The following FAM3C variants were observed in gnomAD, a reference collection of about 807,000 sequenced individuals.
FAM3C encodes protein FAM3C.
FAM3C carries 15 observed loss-of-function variants against 32.5 expected under a neutral mutation model. The observed-to-expected ratio is 0.46, with a 90% CI of 0.31 to 0.71. The LOEUF is 0.71. FAM3C is among the 30% of genes least tolerant of loss of function. FAM3C has a pLI of 0.05. For missense variants in FAM3C, 175 were observed against 274.4 expected (o/e 0.64, Z 2.56); for synonymous variants, 75 against 86.1 (o/e 0.87, Z 0.72).
At chr7:121,391,107 A>G (rs1285319407) in intron 1 of FAM3C, among the ~76,000 whole-genome samples, 6 of 152,208 alleles carry the variant, frequency 3.9e-5, no homozygotes. Context: ...AGTTTTTATT[A>G]TCTACCAAAG....
At chr7:121,369,049 G>A (rs1408154524) in intron 5 of FAM3C, among the ~76,000 whole-genome samples, 1 of 144,226 alleles carries the variant, frequency 6.9e-6, no homozygotes, top group Non-Finnish European at 1.5e-5. Context: ...GTGCGATCTT[G>A]GCCCACTGCA....
At chr7:121,374,857 A>C (rs1794211204) in intron 3 of FAM3C, among the ~76,000 whole-genome samples, 1 of 152,242 alleles carries the variant, frequency 6.6e-6, no homozygotes, top group Non-Finnish European at 1.5e-5. Context: ...AAGTAACTCA[A>C]CGTTTGTTCA....
chr7:121,379,152 G>C (rs1031094913), intron 2 of FAM3C, 138 bp from the exon 3 acceptor site: 3 of 545,782 alleles, frequency 5.5e-6, no homozygotes, highest in Non-Finnish European at 6.5e-6. Context: ...TTTTACATGA[G>C]ATACATAAAA....
chr7:121,374,541 C>T (rs1338277301), intron 3 of FAM3C, among the ~76,000 whole-genome samples: 1 of 152,136 alleles, frequency 6.6e-6, no homozygotes, highest in Non-Finnish European at 1.5e-5. Context: ...TAGCAAGAAT[C>T]CTCCTACTGG....
intron 5 of FAM3C, among the ~76,000 whole-genome samples, chr7:121,369,411 C>T (rs1270839579): frequency 6.6e-6 from 1 of 152,138 alleles, no homozygotes; most frequent in African/African-American, 2.4e-5. Flanking sequence ...TCTCAGAAAA[C>T]TTAAGACTCT....
intron 3 of FAM3C, among the ~76,000 whole-genome samples, chr7:121,375,536 C>T (rs2116928553): frequency 6.6e-6 from 1 of 152,114 alleles, no homozygotes; most frequent in East Asian, 1.9e-4. Context: ...GTGAGATAGG[C>T]AGATATCAGA....
intron 5 of FAM3C, among the ~76,000 whole-genome samples, chr7:121,368,385 C>CA (rs1363151884): frequency 1.3e-5 from 2 of 152,172 alleles, no homozygotes; most frequent in Non-Finnish European, 2.9e-5. Context: ...TACATGTACT[C>CA]AGAGCAGGTG....
At chr7:121,383,641 A>T (rs1002643336) in intron 1 of FAM3C, among the ~76,000 whole-genome samples, 1 of 152,234 alleles carries the variant, frequency 6.6e-6, no homozygotes, top group African/African-American at 2.4e-5. Context: ...GAGTAATGTT[A>T]ATACATCAAA....
intron 8 of FAM3C, among the ~76,000 whole-genome samples, chr7:121,353,580 C>T (rs1161843949): frequency 6.6e-6 from 1 of 152,174 alleles, no homozygotes; most frequent in East Asian, 1.9e-4. Flanking sequence ...TTCATTGTGT[C>T]TAAACTGTGG....
intron 1 of FAM3C, among the ~76,000 whole-genome samples, chr7:121,391,366 A>G (rs1239410429): frequency 2.0e-5 from 3 of 152,206 alleles, no homozygotes; most frequent in Non-Finnish European, 4.4e-5. Flanking sequence ...AGAAATAGCT[A>G]TTCTTAGAAA....
intron 2 of FAM3C, 70 bp downstream of exon 2, chr7:121,382,887 C>G: frequency 1.8e-6 from 2 of 1,122,800 alleles, no homozygotes; most frequent in Non-Finnish European, 2.7e-6. Flanking sequence ...TTTAACCTCT[C>G]CTTTAGTTAT....
chr7:121,359,905 T>C, intron 8 of FAM3C, 138 bp downstream of exon 8: 1 of 611,172 alleles, frequency 1.6e-6, no homozygotes, highest in Non-Finnish European at 2.9e-6. Context: ...GGAGGCAAAG[T>C]AAAAACAAAA....
At chr7:121,379,945 A>G (rs1794316551) in intron 2 of FAM3C, among the ~76,000 whole-genome samples, 1 of 152,178 alleles carries the variant, frequency 6.6e-6, no homozygotes, top group Non-Finnish European at 1.5e-5. Flanking sequence ...TCCCTTTTCC[A>G]TTTCCTACCT....
intron 3 of FAM3C, among the ~76,000 whole-genome samples, chr7:121,376,260 A>G (rs902488360): frequency 1.3e-5 from 2 of 152,232 alleles, no homozygotes; most frequent in Non-Finnish European, 2.9e-5. Flanking sequence ...TAGGAGGAAA[A>G]TAACCAGTTT....
rs1490198817 is a variant in FAM3C, at chr7:121,349,365, T to C, written c.*1096A>G. 1 of 152,142 alleles carries C rather than the reference T, an allele frequency of 6.6e-6. No homozygotes were observed. The highest frequency in any genetic ancestry group is 1.5e-5 in the Non-Finnish European group (1 of 68,010). 9.4% of individuals were successfully genotyped at this position (152,142 alleles called of 1,614,324 possible). A position where few individuals can be genotyped will look rare whatever the true frequency, so the allele number is the denominator to read the frequency against. ...AAAACTGAGTTATTTAGTGAACATC[T>C]GAAGGTAACAAAAAAAGATAGATCT... On this transcript the variant is annotated 3_prime_UTR_variant, in exon 10 of 10. Coordinates refer to ENST00000359943, the MANE Select transcript of FAM3C (RefSeq NM_014888.3).
intron 2 of FAM3C, chr7:121,380,090 C>G (rs2116940499): frequency 6.6e-6 from 1 of 152,300 alleles, no homozygotes; most frequent in Non-Finnish European, 1.5e-5. Flanking sequence ...ACTGTATACA[C>G]TGATACTATC....
chr7:121,353,344 C>T (rs1040207683), intron 8 of FAM3C, among the ~76,000 whole-genome samples: 2 of 152,128 alleles, frequency 1.3e-5, no homozygotes, highest in Non-Finnish European at 2.9e-5. Flanking sequence ...AGCTGATTTA[C>T]AATCAAGCCA....
At chr7:121,352,597 C>T (rs763265666) in intron 8 of FAM3C, among the ~76,000 whole-genome samples, 9 of 152,230 alleles carry the variant, frequency 5.9e-5, no homozygotes, top group Non-Finnish European at 1.2e-4. Context: ...CCAATCTCAG[C>T]CTCTGTGAAG....
chr7:121,388,687 A>T (rs144616701), intron 1 of FAM3C, among the ~76,000 whole-genome samples: 1 of 152,312 alleles, frequency 6.6e-6, no homozygotes, highest in Admixed American at 6.5e-5. Context: ...TTCTGAATCA[A>T]CATCATCTGG....
Sources: gnomAD v4.1 joint callset for allele counts (sites outside exome capture counted in the v4.1 genomes callset) on GRCh38, gnomAD v4.1.1 for gene constraint, MANE v1.5 for transcripts, NCBI Gene and HGNC (gene_info 2026-07-23, HGNC 2026-07-21) for gene names.